IL1RAPL1: variants seen among roughly 807,000 people sequenced by gnomAD.
The protein encoded by IL1RAPL1 is interleukin 1 receptor accessory protein like 1, also known as interleukin-1 receptor accessory protein-like 1.
IL1RAPL1 carries 3 observed loss-of-function variants against 48.4 expected under a neutral mutation model. The ratio of observed to expected loss-of-function variants is 0.06; its 90% CI spans 0.03 to 0.16. IL1RAPL1 has a LOEUF of 0.16. IL1RAPL1 is among the 10% of genes least tolerant of loss of function. The pLI is 1.00. For missense variants in IL1RAPL1, 349 were observed against 530.6 expected, an observed-to-expected ratio of 0.66 and a Z score of 3.36; for synonymous variants, 185 against 187.7, an observed-to-expected ratio of 0.99 and a Z score of 0.12.
At chrX:28,609,894 C>T (rs1934128702) in intron 1 of IL1RAPL1, among the ~76,000 whole-genome samples, 1 of 111,520 alleles carries the variant, frequency 9.0e-6, no homozygotes, top group African/African-American at 3.3e-5. Context: ...TCATTTGTCT[C>T]TCTCACTTTT....
chrX:29,639,186 A>G (rs760470618), intron 5 of IL1RAPL1, among the ~76,000 whole-genome samples: 1 of 73,196 alleles, frequency 1.4e-5, no homozygotes, highest in East Asian at 6.1e-4. Flanking sequence ...ACTCCGTCTC[A>G]AAAAAAAAAA....
chrX:29,847,153 T>G (rs1931267021), intron 6 of IL1RAPL1, among the ~76,000 whole-genome samples: 1 of 111,848 alleles, frequency 8.9e-6, no homozygotes, highest in Admixed American at 9.5e-5. Flanking sequence ...GTAATTCGAG[T>G]AGATAAGGAT....
intron 8 of IL1RAPL1, among the ~76,000 whole-genome samples, chrX:29,930,043 A>G (rs1176975740): frequency 1.8e-5 from 2 of 112,035 alleles, no homozygotes; most frequent in Non-Finnish European, 3.8e-5. Context: ...ATTAAAATAC[A>G]TTTTCTTCTG....
At chrX:29,379,037 A>G (rs1456142758) in intron 3 of IL1RAPL1, among the ~76,000 whole-genome samples, 1 of 112,212 alleles carries the variant, frequency 8.9e-6, no homozygotes, top group Non-Finnish European at 1.9e-5. Flanking sequence ...CTCCCCCACT[A>G]GAGTGTTGCA....
intron 2 of IL1RAPL1, among the ~76,000 whole-genome samples, chrX:28,967,513 T>C (rs1924949713): frequency 1.8e-5 from 2 of 111,603 alleles, no homozygotes; most frequent in African/African-American, 6.5e-5. Flanking sequence ...CAAATTTTCT[T>C]CTTATTCTTT....
intron 2 of IL1RAPL1, among the ~76,000 whole-genome samples, chrX:29,137,760 G>C (rs181140167): frequency 6.5e-4 from 73 of 111,893 alleles, no homozygotes; most frequent in Non-Finnish European, 1.3e-3. Flanking sequence ...CTTGTCTGTG[G>C]CTTCTTAAAT....
chrX:29,224,876 A>G (rs1931049898), intron 2 of IL1RAPL1, among the ~76,000 whole-genome samples: 1 of 112,275 alleles, frequency 8.9e-6, no homozygotes, highest in African/African-American at 3.2e-5. Context: ...TTTTTATGAG[A>G]AAATGAGAGA....
At chrX:28,780,587 GA>G (rs200613474) in intron 1 of IL1RAPL1, among the ~76,000 whole-genome samples, 1,133 of 109,848 alleles carry the variant, frequency 0.01, 19 homozygotes, top group African/African-American at 0.035. Flanking sequence ...TCAGATTCTG[GA>G]AAAAAAGTAA....
At chrX:29,819,710 G>T (rs999514177) in intron 6 of IL1RAPL1, among the ~76,000 whole-genome samples, 3 of 109,191 alleles carry the variant, frequency 2.7e-5, no homozygotes, top group Admixed American at 1.0e-4. Flanking sequence ...TTATAATTAA[G>T]ACTCAAGAAA....
rs1483363298 is a variant in IL1RAPL1 at position 29,449,938 on chromosome X, A to C, written c.703+50630A>C. On this transcript the variant is annotated intron_variant, in intron 5 of 10. Coordinates refer to ENST00000378993, the MANE Select transcript of IL1RAPL1 (RefSeq NM_014271.4). ...ATTTAAAAATGGACCAAAAAAAAAA[A>C]CAGTCAGGAGAAGAAAGCTATATTG... Among the ~76,000 whole-genome samples, 3 of 110,521 alleles carry C rather than the reference A, an allele frequency of 2.7e-5. 1 individual carries two copies. The highest frequency in any genetic ancestry group is 7.6e-4 in the South Asian group (2 of 2,624).
intron 1 of IL1RAPL1, among the ~76,000 whole-genome samples, chrX:28,733,107 GTA>G (rs200245025): frequency 9.2e-6 from 1 of 108,237 alleles, no homozygotes; most frequent in Non-Finnish European, 1.9e-5. Flanking sequence ...GTGTGTGTGT[GTA>G]TATAATATAT....
chrX:29,102,144 T>TA (rs1007918658), intron 2 of IL1RAPL1, among the ~76,000 whole-genome samples: 6 of 109,396 alleles, frequency 5.5e-5, no homozygotes, highest in South Asian at 7.9e-4. Context: ...AAAACACCCT[T>TA]AAAAAAAACT....
intron 3 of IL1RAPL1, among the ~76,000 whole-genome samples, chrX:29,331,331 CCT>C (rs1932884028): frequency 9.1e-6 from 1 of 110,329 alleles, no homozygotes; most frequent in African/African-American, 3.3e-5. Flanking sequence ...CATTGCTCTG[CCT>C]CTCTCAGGTG....
chrX:29,396,152 A>T, intron 3 of IL1RAPL1, 106 bp from the exon 4 acceptor site: 1 of 612,179 alleles, frequency 1.6e-6, no homozygotes. Context: ...AAATTAGTTA[A>T]ACAGTGAAGT....
At chrX:29,032,247 A>C (rs1324725186) in intron 2 of IL1RAPL1, among the ~76,000 whole-genome samples, 2 of 112,210 alleles carry the variant, frequency 1.8e-5, no homozygotes, top group Non-Finnish European at 3.8e-5. Context: ...TGAAAAACTA[A>C]ACATAGTGTC....
rs769887389 is a variant in IL1RAPL1 at position 29,853,681 on chromosome X, T to A, written c.779-63783T>A. 1.5e-4 allele frequency among the ~76,000 whole-genome samples: 17 copies of A among 112,210 alleles called. No homozygotes were observed. The South Asian group carries it at 5.9e-3, about 39-fold the overall frequency. Reference sequence around the variant, plus strand: ...TTAGAAGCAACTTGATTATAAATCTTTTTTCAGTAGAATTCAGTCATCAAT... The same window carrying A: ...TTAGAAGCAACTTGATTATAAATCTATTTTCAGTAGAATTCAGTCATCAAT... On this transcript the variant is annotated intron_variant, in intron 6 of 10. Transcript: ENST00000378993.
intron 3 of IL1RAPL1, among the ~76,000 whole-genome samples, chrX:29,315,538 G>T (rs1206577257): frequency 9.0e-6 from 1 of 111,600 alleles, no homozygotes; most frequent in Non-Finnish European, 1.9e-5. Flanking sequence ...TTTGTTTAGT[G>T]CTCTCCTAGT....
intron 2 of IL1RAPL1, among the ~76,000 whole-genome samples, chrX:29,166,772 C>T (rs1929794186): frequency 9.0e-6 from 1 of 111,498 alleles, no homozygotes; most frequent in African/African-American, 3.3e-5. Flanking sequence ...CTTACTCTCT[C>T]AGCTTCTCTC....
intron 6 of IL1RAPL1, among the ~76,000 whole-genome samples, chrX:29,884,335 ATCC>A (rs940367448): frequency 1.8e-5 from 2 of 110,777 alleles, no homozygotes; most frequent in African/African-American, 6.6e-5. Context: ...TTAATGTGCC[ATCC>A]TCATCTTACT....
Sources: gnomAD v4.1 joint callset for allele counts (sites outside exome capture counted in the v4.1 genomes callset) on GRCh38, gnomAD v4.1.1 for gene constraint, MANE v1.5 for transcripts, NCBI Gene and HGNC (gene_info 2026-07-23, HGNC 2026-07-21) for gene names.